NTNG1: variants seen among roughly 807,000 people sequenced by gnomAD.
The protein encoded by NTNG1 is netrin G1, also known as netrin-G1.
NTNG1 carries 16 observed loss-of-function variants against 54.0 expected under a neutral mutation model. The observed-to-expected ratio is 0.30, with a 90% CI of 0.20 to 0.45. The LOEUF (loss-of-function observed/expected upper bound fraction) is 0.45. Ranked by LOEUF, NTNG1 falls within the 20% of genes least tolerant of loss-of-function variation. The pLI is 1.00. For missense variants in NTNG1, 530 were observed against 678.7 expected, an observed-to-expected ratio of 0.78 and a Z score of 2.43; for synonymous variants, 255 against 263.1, an observed-to-expected ratio of 0.97 and a Z score of 0.30.
chr1:107,316,610 G>GT (rs1243000795), intron 2 of NTNG1, among the ~76,000 whole-genome samples: 4 of 152,050 alleles, frequency 2.6e-5, no homozygotes, highest in Non-Finnish European at 4.4e-5. Context: ...TAAAATATCT[G>GT]TTTTTTATAT....
chr1:107,209,890 T>A (rs1659487651), intron 2 of NTNG1, among the ~76,000 whole-genome samples: 1 of 13,400 alleles, frequency 7.5e-5, no homozygotes, highest in Non-Finnish European at 3.7e-3. Flanking sequence ...AATACAGACT[T>A]CTTTTTTTTT....
At chr1:107,400,607 G>A (rs570475776) in intron 4 of NTNG1, among the ~76,000 whole-genome samples, 1 of 151,878 alleles carries the variant, frequency 6.6e-6, no homozygotes, top group Non-Finnish European at 1.5e-5. Context: ...TTTAAGAATA[G>A]GTCCATGTTT....
At chr1:107,240,873 A>T (rs1661780376) in intron 2 of NTNG1, among the ~76,000 whole-genome samples, 1 of 152,218 alleles carries the variant, frequency 6.6e-6, no homozygotes, top group Non-Finnish European at 1.5e-5. Context: ...ATCAGAAATT[A>T]TGTGAATTTC....
chr1:107,358,642 C>T lies in NTNG1; in HGVS notation c.887+33720C>T, dbSNP rs138227047. On this transcript the variant is annotated intron_variant, in intron 3 of 7. Coordinates refer to ENST00000370068, the MANE Select transcript of NTNG1 (RefSeq NM_001113226.3). ...GTAAGGAATTCTAAAGAGGACCTTA[C>T]GATGATAATCAAATCATTCCAGGAA... Among the ~76,000 whole-genome samples, 893 of 149,654 alleles carry T rather than the reference C, an allele frequency of 6.0e-3. 5 individuals are homozygous for T. Among genetic ancestry groups the T allele is most frequent in the Non-Finnish European group, 9.5e-3 (640 of 67,590 alleles).
At chr1:107,262,067 C>G (rs1663388320) in intron 2 of NTNG1, among the ~76,000 whole-genome samples, 1 of 152,160 alleles carries the variant, frequency 6.6e-6, no homozygotes, top group South Asian at 2.1e-4. Context: ...AGGCCCTTGG[C>G]AGTTAATGTA....
chr1:107,325,832 C>A (rs911078355), intron 3 of NTNG1, among the ~76,000 whole-genome samples: 6 of 151,918 alleles, frequency 3.9e-5, no homozygotes, highest in African/African-American at 1.2e-4. Flanking sequence ...AGAAATAACA[C>A]CCCAGTAAAA....
At chr1:107,244,411 G>A (rs889303974) in intron 2 of NTNG1, among the ~76,000 whole-genome samples, 6 of 152,102 alleles carry the variant, frequency 3.9e-5, no homozygotes, top group Admixed American at 2.6e-4. Flanking sequence ...AATGTGCCAC[G>A]TGAGGTATCC....
intron 2 of NTNG1, among the ~76,000 whole-genome samples, chr1:107,265,149 C>A (rs1416481738): frequency 6.6e-6 from 1 of 152,134 alleles, no homozygotes; most frequent in African/African-American, 2.4e-5. Context: ...ATCTCAGTTT[C>A]CTCTCTCAGG....
intron 3 of NTNG1, among the ~76,000 whole-genome samples, chr1:107,388,854 A>G (rs1355793760): frequency 1.3e-5 from 2 of 152,246 alleles, no homozygotes; most frequent in Middle Eastern, 6.3e-3. Flanking sequence ...GTGGCTGCAG[A>G]GACAGAAAAA....
intron 7 of NTNG1, among the ~76,000 whole-genome samples, chr1:107,458,953 G>T (rs912621689): frequency 1.3e-5 from 2 of 152,126 alleles, no homozygotes; most frequent in Non-Finnish European, 2.9e-5. Flanking sequence ...TACAATCTCA[G>T]AAGGGATCAA....
intron 2 of NTNG1, among the ~76,000 whole-genome samples, chr1:107,195,471 C>A (rs1426106162): frequency 6.6e-6 from 1 of 151,936 alleles, no homozygotes; most frequent in Non-Finnish European, 1.5e-5. Flanking sequence ...GTCAGTTACA[C>A]CATTCCTTTG....
chr1:107,358,821 A>G (rs1273556702), intron 3 of NTNG1, among the ~76,000 whole-genome samples: 1 of 152,130 alleles, frequency 6.6e-6, no homozygotes, highest in Non-Finnish European at 1.5e-5. Context: ...CCCCAGAAGT[A>G]AAAGAGTTTA....
intron 2 of NTNG1, among the ~76,000 whole-genome samples, chr1:107,321,817 G>T (rs983117019): frequency 6.6e-6 from 1 of 152,046 alleles, no homozygotes. Context: ...TTCTACAACA[G>T]GGCTACAACA....
chr1:107,395,797 C>T (rs1672646315), intron 4 of NTNG1, among the ~76,000 whole-genome samples: 1 of 152,158 alleles, frequency 6.6e-6, no homozygotes, highest in South Asian at 2.1e-4. Context: ...TAGCTAGGAC[C>T]TAACTTTGCC....
chr1:107,356,954 G>T (rs1669969745), intron 3 of NTNG1, among the ~76,000 whole-genome samples: 1 of 152,112 alleles, frequency 6.6e-6, no homozygotes, highest in Non-Finnish European at 1.5e-5. Flanking sequence ...AGCAAGTGGG[G>T]ATCATGCCAC....
At chr1:107,255,510 G>A (rs886371685) in intron 2 of NTNG1, among the ~76,000 whole-genome samples, 2 of 152,184 alleles carry the variant, frequency 1.3e-5, no homozygotes, top group Admixed American at 1.3e-4. Context: ...TTTTGATTAA[G>A]TTCTTCTTTT....
Position 107,183,641 on chromosome 1 carries a change from G to T in NTNG1, c.246+34802G>T, listed in dbSNP as rs145444106. 1.2e-3 allele frequency among the ~76,000 whole-genome samples: 182 copies of T among 152,162 alleles called. 1 individual carries two copies. Among genetic ancestry groups the T allele is most frequent in the African/African-American group, 4.1e-3 (169 of 41,524 alleles). ...TTTGTTTTTGTTAATGTCACAATGG[G>T]CTTATAGTGCCATGCTTCATAGAAA... On this transcript the variant is annotated intron_variant, in intron 2 of 7. Transcript: ENST00000370068.
intron 3 of NTNG1, among the ~76,000 whole-genome samples, chr1:107,330,396 A>G (rs753337452): frequency 1.9e-4 from 29 of 152,258 alleles, no homozygotes; most frequent in Non-Finnish European, 4.1e-4. Context: ...ACATTGCTTA[A>G]TTGTGGAGCA....
intron 2 of NTNG1, among the ~76,000 whole-genome samples, chr1:107,212,797 A>G (rs1659682104): frequency 6.6e-6 from 1 of 152,092 alleles, no homozygotes; most frequent in South Asian, 2.1e-4. Flanking sequence ...TACTCAGTGT[A>G]GGAGAAAGGG....
Sources: allele counts gnomAD v4.1 joint callset (sites outside exome capture counted in the v4.1 genomes callset), GRCh38; gene constraint gnomAD v4.1.1; transcripts MANE v1.5; gene names NCBI Gene and HGNC (gene_info 2026-07-23, HGNC 2026-07-21).